The following APMAP variants were observed in gnomAD, a reference collection of about 807,000 sequenced individuals.
APMAP encodes the protein adipocyte plasma membrane associated protein, also known as adipocyte plasma membrane-associated protein.
Under a neutral mutation model 43.6 loss-of-function variants are expected in APMAP, and 33 were observed. The observed-to-expected ratio is 0.76, with a 90% CI of 0.57 to 1.01. APMAP has a LOEUF of 1.01. APMAP is among the 50% of genes least tolerant of loss of function. The probability of loss-of-function intolerance (pLI) is 0.00; values close to 1 mark genes in which losing one functional copy is unlikely to be tolerated. For synonymous variants in APMAP, 224 were observed against 216.7 expected (o/e 1.03, Z -0.30); for missense variants, 498 against 540.7 (o/e 0.92, Z 0.78).
Position 24,973,750 on chromosome 20 carries a change from A to G in APMAP, c.329-13T>C. On this transcript the variant is annotated splice_polypyrimidine_tract_variant and intron_variant, in intron 3 of 8. Coordinates refer to ENST00000217456, the MANE Select transcript of APMAP (RefSeq NM_020531.3). ...GTAAACATCACATCTGTTTAAAAAC[A>G]CAAAAAGGAGGAAGAGCAATGTTAG... is the stretch of plus-strand genomic sequence containing the variant. 2 of 1,611,902 alleles carry G rather than the reference A, an allele frequency of 1.2e-6. No homozygotes were observed. The highest frequency in any genetic ancestry group is 1.7e-6 in the Non-Finnish European group (2 of 1,178,142).
chr20:24,979,256 T>G (rs1430891429), intron 2 of APMAP, among the ~76,000 whole-genome samples: 1 of 152,070 alleles, frequency 6.6e-6, no homozygotes, highest in African/African-American at 2.4e-5. Flanking sequence ...CCTAGGGTGG[T>G]GGGGGGCAGT....
At chr20:24,979,227 C>T (rs1160143061) in intron 2 of APMAP, among the ~76,000 whole-genome samples, 2 of 152,210 alleles carry the variant, frequency 1.3e-5, no homozygotes, top group East Asian at 1.9e-4. Flanking sequence ...ACTCACAGCC[C>T]TACAGCCACT....
chr20:24,975,538 G>A (rs967111767), intron 3 of APMAP, among the ~76,000 whole-genome samples: 5 of 152,068 alleles, frequency 3.3e-5, no homozygotes, highest in Non-Finnish European at 4.4e-5. Flanking sequence ...TAAATAAATG[G>A]AGAGATATTC....
At chr20:24,984,663 C>T (rs2088132730) in intron 1 of APMAP, among the ~76,000 whole-genome samples, 1 of 152,228 alleles carries the variant, frequency 6.6e-6, no homozygotes, top group African/African-American at 2.4e-5. Context: ...AATTACAATT[C>T]AAAGTCATCA....
At chr20:24,970,870 C>T (rs2087992674) in intron 5 of APMAP, among the ~76,000 whole-genome samples, 1 of 152,188 alleles carries the variant, frequency 6.6e-6, no homozygotes, top group Non-Finnish European at 1.5e-5. Context: ...CAGAGAGCAA[C>T]TAAGGGACCT....
rs116606333 is a variant in APMAP, at chr20:24,980,661, C to T, written c.213-1779G>A. On this transcript the variant is annotated intron_variant, in intron 2 of 8. Coordinates refer to ENST00000217456, the MANE Select transcript of APMAP (RefSeq NM_020531.3). ...CCATGCTACCATGACAAAAGCAGAC[C>T]TACCAGCTTCGCTCAGCCTCTGTCA... Among the ~76,000 whole-genome samples, 1,056 of 151,618 alleles carry T rather than the reference C, an allele frequency of 7.0e-3. 11 individuals are homozygous for T. Among genetic ancestry groups the T allele is most frequent in the African/African-American group, 0.024 (1,008 of 41,240 alleles).
In APMAP at chr20:24,978,760, G is replaced by A; in HGVS notation, c.328+7C>T. The stretch of plus-strand genomic sequence containing the variant: ...AAGGCTCCCCCCCCACCCAAGCTTA[G>A]ACTTACCCCCAATATGTGCTATGGA... On this transcript the variant is annotated splice_region_variant and intron_variant, in intron 3 of 8. Coordinates refer to ENST00000217456, the MANE Select transcript of APMAP (RefSeq NM_020531.3). 6.5e-7 allele frequency: 1 copy of A among 1,529,508 alleles called. No homozygotes were observed. Among genetic ancestry groups the A allele is most frequent in the Non-Finnish European group, 8.9e-7 (1 of 1,120,046 alleles). 94.7% of individuals were successfully genotyped at this position (1,529,508 alleles called of 1,614,324 possible).
chr20:24,987,147 C>T (rs918289902), intron 1 of APMAP, among the ~76,000 whole-genome samples: 4 of 152,112 alleles, frequency 2.6e-5, no homozygotes, highest in Admixed American at 2.6e-4. Flanking sequence ...TATAAAGACA[C>T]GGTCTCAGTA....
intron 4 of APMAP, 138 bp from the exon 5 acceptor site, chr20:24,971,714 C>T (rs1233449006): frequency 1.3e-6 from 1 of 766,048 alleles, no homozygotes; most frequent in Non-Finnish European, 2.2e-6. Context: ...ATTAGAGCTA[C>T]AACTGCCCTG....
intron 3 of APMAP, 46 bp downstream of exon 3, chr20:24,978,721 A>T: frequency 1.5e-6 from 1 of 684,044 alleles, no homozygotes; most frequent in Non-Finnish European, 2.5e-6. Context: ...CCCCTCAGAC[A>T]ACAGACAGCC....
At chr20:24,987,285 G>A (rs543572314) in intron 1 of APMAP, among the ~76,000 whole-genome samples, 4 of 152,268 alleles carry the variant, frequency 2.6e-5, no homozygotes, top group South Asian at 4.1e-4. Flanking sequence ...CACCACACGT[G>A]GCTAATTGTT....
intron 1 of APMAP, among the ~76,000 whole-genome samples, chr20:24,990,975 G>A (rs1314546599): frequency 6.6e-6 from 1 of 152,162 alleles, no homozygotes; most frequent in African/African-American, 2.4e-5. Flanking sequence ...AAGGCACACT[G>A]GAAAAGATCA....
chr20:24,978,738 G>GGC, intron 3 of APMAP, 29 bp downstream of exon 3: 2 of 1,309,728 alleles, frequency 1.5e-6, no homozygotes, highest in Non-Finnish European at 2.1e-6. Context: ...AGCCTGGAAG[G>GGC]CTCCCCCCCC....
At chr20:24,971,673 C>G (rs2088002298) in intron 4 of APMAP, 97 bp from the exon 5 acceptor site, 2 of 997,966 alleles carry the variant, frequency 2.0e-6, no homozygotes, top group Non-Finnish European at 3.2e-6. Context: ...TCCCATACAT[C>G]ATGCTGTACA....
chr20:24,973,729 A>G lies in APMAP; in HGVS notation c.337T>C (p.Phe113Leu), dbSNP rs752811249. The G allele has an allele frequency of 3.1e-6, 5 of 1,614,050 alleles. No individual in the cohort carries two copies. The Admixed American group carries it at 8.3e-5, about 27-fold the overall frequency. Residue 113 changes from phenylalanine (F) to leucine (L), a missense_variant, in exon 4 of 9, where the codon TTT becomes CTT. Transcript: ENST00000217456. ...ESIAHIGDVM[F>L]TGTADGRVVK... ...ACCCGGCCATCTGCTGTCCCAGTAAACATCACATCTGTTTAAAAACACAAA... is the reference window on the plus strand; with the variant it reads ...ACCCGGCCATCTGCTGTCCCAGTAAGCATCACATCTGTTTAAAAACACAAA...
intron 3 of APMAP, among the ~76,000 whole-genome samples, chr20:24,975,138 T>A (rs374278524): frequency 9.3e-4 from 142 of 152,292 alleles, no homozygotes; most frequent in African/African-American, 3.2e-3. Flanking sequence ...GATGCCCCTA[T>A]CACCACTCCT....
chr20:24,979,998 T>G (rs2088088016), intron 2 of APMAP, among the ~76,000 whole-genome samples: 1 of 152,178 alleles, frequency 6.6e-6, no homozygotes, highest in Non-Finnish European at 1.5e-5. Flanking sequence ...CCCAGGCCCC[T>G]GCCCTACTCC....
chr20:24,985,985 T>A (rs1470999719), intron 1 of APMAP, among the ~76,000 whole-genome samples: 1 of 152,134 alleles, frequency 6.6e-6, no homozygotes, highest in Non-Finnish European at 1.5e-5. Flanking sequence ...CTGAATCGCG[T>A]CCTGCAGTTA....
intron 3 of APMAP, among the ~76,000 whole-genome samples, chr20:24,977,162 G>T (rs149015694): frequency 2.4e-4 from 37 of 152,302 alleles, no homozygotes; most frequent in Admixed American, 2.3e-3. Context: ...GAACCCTACC[G>T]TAAACTACAG....
Sources: gnomAD v4.1 joint callset for allele counts (sites outside exome capture counted in the v4.1 genomes callset) on GRCh38, gnomAD v4.1.1 for gene constraint, MANE v1.5 for transcripts, NCBI Gene and HGNC (gene_info 2026-07-23, HGNC 2026-07-21) for gene names.